CYP2C19: variants seen among roughly 807,000 people sequenced by gnomAD.
CYP2C19 encodes cytochrome P450 family 2 subfamily C member 19, also known as cytochrome P450 2C19.
Under a neutral mutation model 40.9 loss-of-function variants are expected in CYP2C19, and 59 were observed. The observed-to-expected ratio is 1.44, with a 90% confidence interval of 1.17 to 1.79. The LOEUF (loss-of-function observed/expected upper bound fraction) is 1.79, where lower values mean the gene tolerates loss of function less well. Among genes scored for constraint, CYP2C19 ranks in the 40% most tolerant of loss-of-function variants. The pLI, the probability that CYP2C19 is intolerant of heterozygous loss-of-function variation, is 0.00. For synonymous variants in CYP2C19, 253 were observed against 208.7 expected, an observed-to-expected ratio of 1.21 and a Z score of -1.83; for missense variants, 754 against 596.9, an observed-to-expected ratio of 1.26 and a Z score of -2.74.
chr10:94,840,043 G>T (rs1314928629), intron 6 of CYP2C19, among the ~76,000 whole-genome samples: 1 of 151,876 alleles, frequency 6.6e-6, no homozygotes, highest in Non-Finnish European at 1.5e-5. Flanking sequence ...TCACAATGAG[G>T]TTTCCTCTAA....
chr10:94,763,096 AG>A (rs1554847497), intron 1 of CYP2C19, among the ~76,000 whole-genome samples: 1 of 152,222 alleles, frequency 6.6e-6, no homozygotes, highest in Non-Finnish European at 1.5e-5. Flanking sequence ...TGTTAAATTC[AG>A]AATAACAAAC....
intron 5 of CYP2C19, among the ~76,000 whole-genome samples, chr10:94,801,142 G>A (rs1018741371): frequency 6.6e-6 from 1 of 152,092 alleles, no homozygotes; most frequent in Non-Finnish European, 1.5e-5. Flanking sequence ...TTCCTATTTG[G>A]CCATCTTGCC....
rs766303560 is a variant in CYP2C19, at chr10:94,762,885, CCTT to C, written c.168+14_168+16del. 9.9e-6 allele frequency: 16 copies of C among 1,611,156 alleles called. 1 individual carries two copies. The South Asian group carries it at 1.6e-4, about 17-fold the overall frequency. On this transcript the variant is annotated intron_variant, in intron 1 of 8. Coordinates refer to ENST00000371321, the MANE Select transcript of CYP2C19 (RefSeq NM_000769.4). ...AATCCTTAACCAATGTAAGTATGCT[CCTT>C]CAGTGGCTTGCAAAAGGTAAGTAAA...
chr10:94,822,481 G>T (rs562330093), intron 6 of CYP2C19, among the ~76,000 whole-genome samples: 3 of 152,102 alleles, frequency 2.0e-5, no homozygotes, highest in Non-Finnish European at 4.4e-5. Flanking sequence ...CTGTTGATGG[G>T]CACTTAAGTT....
chr10:94,809,727 G>C (rs1266866728), intron 5 of CYP2C19, among the ~76,000 whole-genome samples: 2 of 151,984 alleles, frequency 1.3e-5, no homozygotes, highest in African/African-American at 4.8e-5. Context: ...TTACTATTTT[G>C]AGATACATTC....
At chr10:94,787,082 C>T (rs1564664855) in intron 5 of CYP2C19, among the ~76,000 whole-genome samples, 1 of 152,126 alleles carries the variant, frequency 6.6e-6, no homozygotes, top group East Asian at 1.9e-4. Context: ...AAACTGCTTT[C>T]CATAGTGGCT....
At chr10:94,773,166 G>C (rs1047390635) in intron 1 of CYP2C19, among the ~76,000 whole-genome samples, 3 of 152,160 alleles carry the variant, frequency 2.0e-5, no homozygotes, top group African/African-American at 7.2e-5. Flanking sequence ...CAAGTGAAAG[G>C]GATCCAGTGG....
intron 4 of CYP2C19, among the ~76,000 whole-genome samples, chr10:94,781,279 C>T (rs965226012): frequency 1.3e-5 from 2 of 152,054 alleles, no homozygotes; most frequent in African/African-American, 4.8e-5. Flanking sequence ...TATACTCTGC[C>T]TAAATAATAA....
intron 7 of CYP2C19, among the ~76,000 whole-genome samples, chr10:94,846,638 A>G (rs1203075388): frequency 1.3e-5 from 2 of 151,910 alleles, no homozygotes; most frequent in East Asian, 1.9e-4. Context: ...TTCTAATTTC[A>G]TTATTCCTTC....
At chr10:94,781,773 T>C (rs1848480795) in intron 4 of CYP2C19, 48 bp from the exon 5 acceptor site, 4 of 1,020,436 alleles carry the variant, frequency 3.9e-6, no homozygotes, top group Non-Finnish European at 5.3e-6. Context: ...ATTGTATCTA[T>C]ACCTTTATTA....
chr10:94,784,747 A>G (rs1848519638), intron 5 of CYP2C19, among the ~76,000 whole-genome samples: 1 of 151,724 alleles, frequency 6.6e-6, no homozygotes, highest in Admixed American at 6.6e-5. Flanking sequence ...GTGCCACCAT[A>G]CCTGACTAAT....
At chr10:94,794,500 C>T (rs1848655107) in intron 5 of CYP2C19, among the ~76,000 whole-genome samples, 1 of 152,114 alleles carries the variant, frequency 6.6e-6, no homozygotes, top group Non-Finnish European at 1.5e-5. Context: ...CCCAGTATGG[C>T]CATTTTCTCA....
chr10:94,832,058 TC>T (rs1488714307), intron 6 of CYP2C19, among the ~76,000 whole-genome samples: 1 of 152,186 alleles, frequency 6.6e-6, no homozygotes, highest in Non-Finnish European at 1.5e-5. Flanking sequence ...AAGTTTTTAA[TC>T]CATTTTGAGT....
In CYP2C19 at chr10:94,787,995, A is replaced by G. The variant is rs1043147796; in HGVS notation, c.819+5998A>G. Among the ~76,000 whole-genome samples the G allele has an allele frequency of 3.3e-5, 5 of 152,136 alleles. 1 individual carries two copies. The highest frequency in any genetic ancestry group is 6.6e-5 in the Admixed American group (1 of 15,256). ...TTAATGATATTGATTGTTTTAATCCATAAGCATGAACTGTTTTTTCATTTG... is the reference window on the plus strand; with the variant it reads ...TTAATGATATTGATTGTTTTAATCCGTAAGCATGAACTGTTTTTTCATTTG... On this transcript the variant is annotated intron_variant, in intron 5 of 8. Coordinates refer to ENST00000371321, the MANE Select transcript of CYP2C19 (RefSeq NM_000769.4).
intron 5 of CYP2C19, among the ~76,000 whole-genome samples, chr10:94,818,427 A>G (rs1250646757): frequency 6.6e-6 from 1 of 152,024 alleles, no homozygotes; most frequent in Non-Finnish European, 1.5e-5. Flanking sequence ...TTCTGTGAAG[A>G]AAGTCATTGG....
At chr10:94,804,718 G>A (rs554916262) in intron 5 of CYP2C19, among the ~76,000 whole-genome samples, 1 of 152,250 alleles carries the variant, frequency 6.6e-6, no homozygotes, top group South Asian at 2.1e-4. Context: ...GAGGCTGTTT[G>A]TCCACATTTT....
chr10:94,824,335 A>G (rs1432438140), intron 6 of CYP2C19, among the ~76,000 whole-genome samples: 2 of 152,212 alleles, frequency 1.3e-5, no homozygotes, highest in Non-Finnish European at 2.9e-5. Flanking sequence ...ATAAAAAATT[A>G]TTAAATATAA....
rs574091841 is a variant in CYP2C19 at position 94,854,571 on chromosome 10, G to C, written c.*1657G>C. Among the ~76,000 whole-genome samples the C allele has an allele frequency of 6.6e-6, 1 of 151,908 alleles. No homozygotes were observed. The highest frequency in any genetic ancestry group is 1.9e-4 in the East Asian group (1 of 5,154). ...TATGCTTTTCACAGCTCATCTCCTA[G>C]AACAAGCTACTTACAATTTGGAATA... On this transcript the variant is annotated 3_prime_UTR_variant, in exon 9 of 9. Transcript: ENST00000371321.
intron 3 of CYP2C19, chr10:94,776,190 A>G (rs1848406383): frequency 1.3e-5 from 2 of 152,224 alleles, no homozygotes; most frequent in South Asian, 4.1e-4. Flanking sequence ...TTTTGAGTAA[A>G]CATATGCTAT....
Sources: allele counts gnomAD v4.1 joint callset (sites outside exome capture counted in the v4.1 genomes callset), GRCh38; gene constraint gnomAD v4.1.1; transcripts MANE v1.5; gene names NCBI Gene and HGNC (gene_info 2026-07-23, HGNC 2026-07-21).